The following SSBP3 variants were observed in gnomAD, a reference collection of about 807,000 sequenced individuals.
SSBP3 encodes single-stranded DNA-binding protein 3.
SSBP3 carries 5 observed loss-of-function variants against 69.6 expected under a neutral mutation model. The ratio of observed to expected loss-of-function variants is 0.07; its 90% CI spans 0.04 to 0.15. The LOEUF is 0.15. Among genes scored for constraint, SSBP3 ranks in the 10% least tolerant of loss-of-function variants. SSBP3 has a pLI of 1.00. For missense variants in SSBP3, 312 were observed against 534.0 expected (o/e 0.58, Z 4.10); for synonymous variants, 196 against 193.4 (o/e 1.01, Z -0.11).
intron 5 of SSBP3, among the ~76,000 whole-genome samples, chr1:54,263,321 G>A (rs899449749): frequency 1.3e-5 from 2 of 152,198 alleles, no homozygotes; most frequent in Non-Finnish European, 1.5e-5. Context: ...ATCTGAAGCC[G>A]TCCTGGAGAG....
chr1:54,246,808 C>T (rs1570249084), intron 9 of SSBP3, among the ~76,000 whole-genome samples: 1 of 152,252 alleles, frequency 6.6e-6, no homozygotes, highest in East Asian at 1.9e-4. Context: ...GAGCGAGTAG[C>T]AGGCTGAAAT....
At chr1:54,247,272 G>A (rs1644750623) in intron 9 of SSBP3, among the ~76,000 whole-genome samples, 1 of 152,248 alleles carries the variant, frequency 6.6e-6, no homozygotes, top group Non-Finnish European at 1.5e-5. Context: ...GCATCTTGCA[G>A]GAGGCAGGTG....
At chr1:54,385,497 A>G (rs1648015663) in intron 4 of SSBP3, among the ~76,000 whole-genome samples, 1 of 151,974 alleles carries the variant, frequency 6.6e-6, no homozygotes, top group Non-Finnish European at 1.5e-5. Context: ...AAACACACAC[A>G]CACACAACCT....
At chr1:54,285,616 C>T (rs372597185) in intron 4 of SSBP3, 4 of 152,192 alleles carry the variant, frequency 2.6e-5, no homozygotes, top group Admixed American at 1.3e-4. Context: ...CAAAGCTGAC[C>T]GTCCAGAGCC....
Position 54,318,981 on chromosome 1 carries a change from G to A in SSBP3, c.277-37454C>T, listed in dbSNP as rs114001093. Among the ~76,000 whole-genome samples the A allele has an allele frequency of 9.8e-3, 1,491 of 152,216 alleles. 31 individuals carry two copies. The highest frequency in any genetic ancestry group is 0.034 in the African/African-American group (1,414 of 41,510). On this transcript the variant is annotated intron_variant, in intron 4 of 17. Coordinates refer to ENST00000610401, the Ensembl canonical transcript of SSBP3. ...GGCAATTCCCATTCTATGGATGAGC[G>A]AATTGAGGCTTGGAAACACTGCAAT...
intron 4 of SSBP3, among the ~76,000 whole-genome samples, chr1:54,353,247 T>G (rs1029223932): frequency 6.6e-6 from 1 of 152,194 alleles, no homozygotes; most frequent in Non-Finnish European, 1.5e-5. Context: ...CTAATTGGAA[T>G]AGGGCAGACC....
chr1:54,332,564 C>T (rs1270920092), intron 4 of SSBP3, among the ~76,000 whole-genome samples: 2 of 152,168 alleles, frequency 1.3e-5, no homozygotes, highest in Non-Finnish European at 2.9e-5. Flanking sequence ...CTGACTATAG[C>T]TTTGGCCCAC....
rs1644599054 is a variant in SSBP3, at chr1:54,240,110, GCGCGCGCGCGCAA to G, written c.856+782_856+794del. On this transcript the variant is annotated intron_variant, in intron 13 of 17. Coordinates refer to ENST00000610401, the Ensembl canonical transcript of SSBP3. Reference sequence around the variant, plus strand: ...TGTGCGCGCGCGCGCGTGTGCGTGCGCGCGCGCGCGCAACACATGCCCACGTATGTGCACGCAT... The same window carrying G: ...TGTGCGCGCGCGCGCGTGTGCGTGCGCACATGCCCACGTATGTGCACGCAT... Among the ~76,000 whole-genome samples the G allele has an allele frequency of 3.0e-3, 7 of 2,316 alleles. No individual in the cohort carries two copies. The South Asian group carries it at 0.05, about 17-fold the overall frequency. The allele number at this position is 2,316 out of a possible 152,430, so 1.5% of individuals were successfully genotyped here.
chr1:54,234,974 AC>A (rs1242525644), intron 14 of SSBP3, among the ~76,000 whole-genome samples: 3 of 152,210 alleles, frequency 2.0e-5, no homozygotes, highest in African/African-American at 7.2e-5. Context: ...ATATAGTCAA[AC>A]TTAAAATCCA....
chr1:54,227,911 C>A (rs892472331), intron 17 of SSBP3, among the ~76,000 whole-genome samples: 3 of 152,202 alleles, frequency 2.0e-5, no homozygotes, highest in Non-Finnish European at 4.4e-5. Context: ...CCCTGAAAAT[C>A]GTTGGCTGCA....
chr1:54,276,270 T>C (rs780612951), intron 5 of SSBP3, among the ~76,000 whole-genome samples: 6 of 152,074 alleles, frequency 3.9e-5, no homozygotes, highest in Non-Finnish European at 7.4e-5. Context: ...TCTTTAACCC[T>C]GTGACCTCTG....
chr1:54,254,671 G>A (rs549115207), intron 7 of SSBP3, among the ~76,000 whole-genome samples: 2 of 152,238 alleles, frequency 1.3e-5, no homozygotes, highest in South Asian at 2.1e-4. Flanking sequence ...GAGCTAACTC[G>A]GGTGGCACAG....
intron 4 of SSBP3, among the ~76,000 whole-genome samples, chr1:54,313,377 G>A (rs1006794234): frequency 6.6e-6 from 1 of 150,632 alleles, no homozygotes; most frequent in African/African-American, 2.5e-5. Flanking sequence ...CTGTCTCAAG[G>A]CTTCCCTGCT....
chr1:54,402,916 G>A (rs960995771), intron 3 of SSBP3, among the ~76,000 whole-genome samples: 8 of 152,296 alleles, frequency 5.3e-5, no homozygotes, highest in Admixed American at 4.6e-4. Context: ...AGCTTAAAGG[G>A]TAAAGTGGGC....
intron 4 of SSBP3, among the ~76,000 whole-genome samples, chr1:54,314,555 G>C (rs1195861266): frequency 1.3e-5 from 2 of 152,210 alleles, no homozygotes; most frequent in Non-Finnish European, 2.9e-5. Context: ...TCTTTAAAAA[G>C]ATTTGTGAAA....
intron 4 of SSBP3, among the ~76,000 whole-genome samples, chr1:54,299,969 A>G: frequency 6.6e-6 from 1 of 152,214 alleles, no homozygotes; most frequent in East Asian, 1.9e-4. Context: ...GCTTCTATGC[A>G]TTTGTACAGA....
At chr1:54,334,136 G>C (rs1192876985) in intron 4 of SSBP3, among the ~76,000 whole-genome samples, 2 of 151,966 alleles carry the variant, frequency 1.3e-5, no homozygotes, top group Non-Finnish European at 2.9e-5. Context: ...GGCGGATCAC[G>C]AGGTCAAGCT....
chr1:54,320,446 T>C (rs1043232305), intron 4 of SSBP3, among the ~76,000 whole-genome samples: 2 of 151,856 alleles, frequency 1.3e-5, no homozygotes, highest in Admixed American at 6.6e-5. Flanking sequence ...GCCTCCCGAG[T>C]AGATGGGACT....
chr1:54,270,701 C>T (rs949409910), intron 5 of SSBP3, among the ~76,000 whole-genome samples: 7 of 152,178 alleles, frequency 4.6e-5, no homozygotes, highest in Non-Finnish European at 8.8e-5. Flanking sequence ...GTCCCAGACA[C>T]GCCTACAACA....
Sources: allele counts gnomAD v4.1 joint callset (sites outside exome capture counted in the v4.1 genomes callset), GRCh38; gene constraint gnomAD v4.1.1; transcripts MANE v1.5; gene names NCBI Gene and HGNC (gene_info 2026-07-23, HGNC 2026-07-21).